FRY: variants seen among roughly 807,000 people sequenced by gnomAD.
FRY encodes FRY microtubule binding protein.
Under a neutral mutation model 348.4 loss-of-function variants are expected in FRY, and 128 were observed. The observed-to-expected ratio is 0.37, with a 90% confidence interval of 0.32 to 0.43. The LOEUF is 0.43. Among genes scored for constraint, FRY ranks in the 20% least tolerant of loss-of-function variants. The pLI is 1.00. For synonymous variants in FRY, 1,370 were observed against 1,374.7 expected (o/e 1.00, Z 0.08); for missense variants, 2,736 against 3,695.2 (o/e 0.74, Z 6.73).
intron 1 of FRY, among the ~76,000 whole-genome samples, chr13:32,059,696 C>G (rs367928675): frequency 3.3e-5 from 5 of 152,106 alleles, no homozygotes; most frequent in African/African-American, 1.2e-4. Flanking sequence ...CCCCTCCCAC[C>G]TTTTGGAATC....
At chr13:32,291,691 C>T (rs1889376289) in intron 59 of FRY, among the ~76,000 whole-genome samples, 1 of 152,098 alleles carries the variant, frequency 6.6e-6, no homozygotes, top group African/African-American at 2.4e-5. Context: ...CCACCGTGCC[C>T]CGCCAGGATT....
In FRY at chr13:32,136,851, C is replaced by CGG; in HGVS notation, c.1078-20_1078-19insGG. 1.6e-6 allele frequency: 2 copies of CGG among 1,244,026 alleles called. No individual in the cohort carries two copies. The highest frequency in any genetic ancestry group is 2.4e-6 in the Non-Finnish European group (2 of 841,884). 77.1% of individuals were successfully genotyped at this position (1,244,026 alleles called of 1,614,324 possible). On this transcript the variant is annotated intron_variant, in intron 10 of 60. Coordinates refer to ENST00000542859, the MANE Select transcript of FRY (RefSeq NM_023037.3). ...GTTGAAATATAAATGATCCTGTGAC[C>CGG]TCCTCTCCTTTCTCCTCAGGCCTTG...
At chr13:32,153,733 T>C (rs1216257973) in intron 14 of FRY, among the ~76,000 whole-genome samples, 1 of 152,176 alleles carries the variant, frequency 6.6e-6, no homozygotes, top group Non-Finnish European at 1.5e-5. Context: ...GATTCTGGCT[T>C]ACAAGAGATA....
intron 1 of FRY, among the ~76,000 whole-genome samples, chr13:32,065,928 A>G (rs1874233346): frequency 6.6e-6 from 1 of 152,320 alleles, no homozygotes; most frequent in Admixed American, 6.5e-5. Context: ...TTAAAGTATT[A>G]TGAATCAAAT....
rs1202156862 is a variant in FRY at position 32,175,536 on chromosome 13, C to T, written c.2335-10C>T. 3 of 1,583,576 alleles carry T rather than the reference C, an allele frequency of 1.9e-6. No individual in the cohort carries two copies. Among genetic ancestry groups the T allele is most frequent in the East Asian group, 2.2e-5 (1 of 44,726 alleles). On this transcript the variant is annotated splice_polypyrimidine_tract_variant and intron_variant, in intron 19 of 60. Transcript: ENST00000542859. Reference sequence around the variant, plus strand: ...TTCCCATAGAGAGTAATCGCCTCCCCTTTGTACAGGATGACGACAGGCCGA... The same window carrying T: ...TTCCCATAGAGAGTAATCGCCTCCCTTTTGTACAGGATGACGACAGGCCGA...
intron 58 of FRY, among the ~76,000 whole-genome samples, chr13:32,281,562 T>C (rs1343331829): frequency 1.3e-5 from 2 of 152,184 alleles, no homozygotes; most frequent in Admixed American, 6.5e-5. Flanking sequence ...TTTCCAATGT[T>C]TTTGCAAAAA....
intron 3 of FRY, among the ~76,000 whole-genome samples, chr13:32,108,356 G>A (rs988496083): frequency 3.3e-5 from 5 of 152,150 alleles, no homozygotes; most frequent in Non-Finnish European, 1.5e-5. Flanking sequence ...AGGAAGATAG[G>A]AAATTTCAGA....
At chr13:32,274,414 T>TA (rs2138592900) in intron 55 of FRY, among the ~76,000 whole-genome samples, 1 of 152,038 alleles carries the variant, frequency 6.6e-6, no homozygotes, top group South Asian at 2.1e-4. Flanking sequence ...TTATGTCAAG[T>TA]AAAAAAATCA....
At chr13:32,226,011 T>TA (rs778072255) in intron 39 of FRY, 37 bp downstream of exon 39, 6 of 1,590,402 alleles carry the variant, frequency 3.8e-6, no homozygotes, top group Non-Finnish European at 5.2e-6. Context: ...CTAGGACAGT[T>TA]ACAAATGCAG....
chr13:32,146,371 C>T (rs553451892), intron 11 of FRY, among the ~76,000 whole-genome samples: 10 of 152,290 alleles, frequency 6.6e-5, no homozygotes, highest in African/African-American at 2.2e-4. Context: ...GAGTCTCGCT[C>T]TGTCGCCCAG....
chr13:32,194,033 G>T lies in FRY; in HGVS notation c.3592-110G>T, dbSNP rs1039168514. The T allele has an allele frequency of 9.9e-6, 11 of 1,107,662 alleles. No homozygotes were observed. In the African/African-American group the frequency reaches 1.7e-4, roughly 17 times the overall value. The allele number at this position is 1,107,662 out of a possible 1,614,324, so 68.6% of individuals were successfully genotyped here. A position where few individuals can be genotyped will look rare whatever the true frequency, so the allele number is the denominator to read the frequency against. ...ACATAAAAACCAAAATGAAAGCTCG[G>T]TCTTCCCTTTCATTTTACTCAGTTT... On this transcript the variant is annotated intron_variant, in intron 28 of 60. Coordinates refer to ENST00000542859, the MANE Select transcript of FRY (RefSeq NM_023037.3).
chr13:32,137,042 C>A, intron 11 of FRY, 70 bp downstream of exon 11: 1 of 854,000 alleles, frequency 1.2e-6, no homozygotes, highest in Non-Finnish European at 2.0e-6. Flanking sequence ...GGCTGATGTG[C>A]TTCTGGAAGT....
intron 40 of FRY, among the ~76,000 whole-genome samples, chr13:32,229,553 A>T (rs1209419921): frequency 1.3e-5 from 2 of 152,246 alleles, no homozygotes; most frequent in Admixed American, 6.5e-5. Context: ...GCCTACATAC[A>T]GTATGCCTGC....
At chr13:32,274,505 C>G (rs569445944) in intron 55 of FRY, among the ~76,000 whole-genome samples, 115 of 151,534 alleles carry the variant, frequency 7.6e-4, no homozygotes, top group East Asian at 2.3e-3. Context: ...CAGATCGAGA[C>G]CATCCTGGCT....
intron 7 of FRY, among the ~76,000 whole-genome samples, chr13:32,128,185 G>A (rs1366360832): frequency 2.0e-5 from 3 of 152,050 alleles, no homozygotes; most frequent in African/African-American, 7.2e-5. Context: ...CATCTCTACC[G>A]AATGTCCTCT....
intron 7 of FRY, 41 bp from the exon 8 acceptor site, chr13:32,131,631 C>T: frequency 6.6e-7 from 1 of 1,511,696 alleles, no homozygotes; most frequent in Non-Finnish European, 9.2e-7. Context: ...CAGGGACTTT[C>T]CTACCCAATA....
At position 32,237,852 on chromosome 13, in the gene FRY, C is replaced by T. The variant is rs1295058836; in HGVS notation, c.6284C>T (p.Ala2095Val). ...AAACTCCAGGCACAGCTGAAGTGGG[C>T]CGACTTCTCCGGGCTGCAGCAGCTG... ...LEKLQAQLKW[A>V]DFSGLQQLLL... The change falls in exon 44 of 61, where the codon GCC becomes GTC. Residue 2095 changes from alanine to valine, a missense_variant. Transcript: ENST00000542859. The surrounding 1 kb of genome is among the most constrained non-coding windows in gnomAD (Gnocchi z 6.3). The T allele has an allele frequency of 7.4e-6, 12 of 1,614,154 alleles. No homozygotes were observed. The East Asian group carries it at 2.7e-4, about 36-fold the overall frequency.
Position 32,107,654 on chromosome 13 carries a change from A to G in FRY, c.324+5638A>G, listed in dbSNP as rs1324824525. Among the ~76,000 whole-genome samples, 3 of 152,186 alleles carry G rather than the reference A, an allele frequency of 2.0e-5. No homozygotes were observed. In the East Asian group the frequency reaches 5.8e-4, roughly 29 times the overall value. The stretch of plus-strand genomic sequence containing the variant: ...CCTGCCCTAGAGGCCCCACCACTGG[A>G]GTCTCGTTGGAGAGAAAAATAGAAC... On this transcript the variant is annotated intron_variant, in intron 3 of 60. Transcript: ENST00000542859.
At chr13:32,045,315 C>T (rs1240104232) in intron 1 of FRY, among the ~76,000 whole-genome samples, 3 of 152,218 alleles carry the variant, frequency 2.0e-5, no homozygotes, top group Non-Finnish European at 4.4e-5. Context: ...ACATCTGGAT[C>T]TTCGTCACCA....
Sources: allele counts gnomAD v4.1 joint callset (sites outside exome capture counted in the v4.1 genomes callset), GRCh38; gene constraint gnomAD v4.1.1; non-coding constraint Gnocchi (gnomAD v3.1); transcripts MANE v1.5; gene names NCBI Gene and HGNC (gene_info 2026-07-23, HGNC 2026-07-21).